MYOM2: variants seen among roughly 807,000 people sequenced by gnomAD.
MYOM2 encodes myomesin-2.
MYOM2 carries 254 observed loss-of-function variants against 187.6 expected under a neutral mutation model. The observed-to-expected ratio is 1.35, with a 90% CI of 1.22 to 1.50. The LOEUF is 1.50. Ranked by LOEUF, MYOM2 falls within the 40% of genes most tolerant of loss-of-function variation. MYOM2 has a pLI of 0.00. For synonymous variants in MYOM2, 981 were observed against 753.8 expected (o/e 1.30, Z -4.94); for missense variants, 2,796 against 1,924.0 (o/e 1.45, Z -8.48).
rs1332170054 is a variant in MYOM2, at chr8:2,117,929, T to C, written c.3430T>C (p.Cys1144Arg). 3 of 1,613,322 alleles carry C rather than the reference T, an allele frequency of 1.9e-6. No homozygotes were observed. The highest frequency in any genetic ancestry group is 2.5e-6 in the Non-Finnish European group (3 of 1,179,668). ...CTTGCACTGGGATGTCACGGAAGAA[T>C]GTGAAGTTCGACTTGTTTGCAAGGT... The part of the protein sequence containing the change: ...EYLHWDVTEE[C>R]EVRLVCKVAN... The change falls in exon 28 of 37, where the codon TGT becomes CGT. Residue 1144 changes from cysteine to arginine, a missense_variant. Cys to Arg is a radical substitution (Grantham distance 180). Transcript: ENST00000262113.
intron 15 of MYOM2, among the ~76,000 whole-genome samples, chr8:2,091,511 G>A (rs75010243): frequency 2.0e-5 from 3 of 152,294 alleles, no homozygotes; most frequent in East Asian, 1.9e-4. Context: ...AAGCCTTCAC[G>A]GGAGGCACAT....
chr8:2,100,100 CCTTCCTTCTTTCTTTCCTTCCTTCCTTCT>C (rs1796642726), intron 19 of MYOM2, among the ~76,000 whole-genome samples: 2 of 110,912 alleles, frequency 1.8e-5, no homozygotes, highest in Admixed American at 8.7e-5. Flanking sequence ...TTCCTTCCTT[CCTTCCTTCTTTCTTTCCTTCCTTCCTTCT>C]TTCCTTCCTT....
chr8:2,066,038 C>T (rs1292706467), intron 6 of MYOM2, among the ~76,000 whole-genome samples: 4 of 152,324 alleles, frequency 2.6e-5, no homozygotes, highest in Non-Finnish European at 1.5e-5. Flanking sequence ...CCATGTAGCC[C>T]ACACTCCCGC....
chr8:2,137,001 C>G (rs1355979860), intron 32 of MYOM2, among the ~76,000 whole-genome samples: 2 of 152,044 alleles, frequency 1.3e-5, no homozygotes, highest in Non-Finnish European at 2.9e-5. Context: ...GGCTCTAAGT[C>G]TAAACAGTGA....
intron 32 of MYOM2, among the ~76,000 whole-genome samples, chr8:2,130,196 C>A (rs1204209020): frequency 4.9e-5 from 7 of 142,204 alleles, no homozygotes; most frequent in Non-Finnish European, 7.5e-5. Context: ...GGCGCCCACA[C>A]CCCGCCTTTA....
intron 14 of MYOM2, among the ~76,000 whole-genome samples, chr8:2,087,497 G>A (rs747937622): frequency 1.3e-4 from 20 of 152,298 alleles, no homozygotes; most frequent in East Asian, 1.2e-3. Flanking sequence ...TTTGTGTTAC[G>A]AAAATACAAG....
Position 2,123,358 on chromosome 8 carries a change from T to C in MYOM2, c.3560T>C (p.Ile1187Thr). 1 of 1,606,678 alleles carries C rather than the reference T, an allele frequency of 6.2e-7. No individual in the cohort carries two copies. Among genetic ancestry groups the C allele is most frequent in the Non-Finnish European group, 8.5e-7 (1 of 1,176,510 alleles). ...GAGAGGGGAATCTGTGAGCTCCTCATCCCAAAGGTATCAGGCATTGAGTAA... is the reference window on the plus strand; with the variant it reads ...GAGAGGGGAATCTGTGAGCTCCTCACCCCAAAGGTATCAGGCATTGAGTAA... Reference protein sequence around the residue: ...NLERGICELLIPKLSKKDHGE... With the variant: ...NLERGICELLTPKLSKKDHGE... Residue 1187 changes from isoleucine (I) to threonine (T), a missense_variant, in exon 29 of 37, where the codon ATC (isoleucine) becomes ACC (threonine). Ile to Thr is a moderately conservative substitution (Grantham distance 89). Transcript: ENST00000262113.
chr8:2,131,772 T>C (rs1797880668), intron 32 of MYOM2, among the ~76,000 whole-genome samples: 1 of 151,450 alleles, frequency 6.6e-6, no homozygotes, highest in Non-Finnish European at 1.5e-5. Context: ...GCCTCCCAAG[T>C]AGCTGGGACT....
chr8:2,130,954 T>C (rs1003171956), intron 32 of MYOM2, among the ~76,000 whole-genome samples: 7 of 152,230 alleles, frequency 4.6e-5, no homozygotes, highest in African/African-American at 1.7e-4. Flanking sequence ...ATTTACAGCA[T>C]ATTGTCTTGC....
chr8:2,121,366 C>G lies in MYOM2; in HGVS notation c.3454-1886C>G, dbSNP rs150678753. Reference sequence around the variant, plus strand: ...AGGCCAGTGGCGAGACCCCCGAGTTCTGCTTTCCATGGGCTCTGATATCAT... The same window carrying G: ...AGGCCAGTGGCGAGACCCCCGAGTTGTGCTTTCCATGGGCTCTGATATCAT... On this transcript the variant is annotated intron_variant, in intron 28 of 36. Coordinates refer to ENST00000262113, the MANE Select transcript of MYOM2 (RefSeq NM_003970.4). Among the ~76,000 whole-genome samples the G allele has an allele frequency of 2.0e-5, 3 of 152,236 alleles. No homozygotes were observed. The South Asian group carries it at 6.2e-4, about 32-fold the overall frequency.
chr8:2,134,258 G>GTC (rs1797979917), intron 32 of MYOM2, among the ~76,000 whole-genome samples: 1 of 151,820 alleles, frequency 6.6e-6, no homozygotes, highest in Non-Finnish European at 1.5e-5. Context: ...GGCTCTCCTC[G>GTC]TCTCTCTCGG....
intron 6 of MYOM2, among the ~76,000 whole-genome samples, chr8:2,067,981 C>A (rs1819072947): frequency 6.6e-6 from 1 of 152,026 alleles, no homozygotes; most frequent in African/African-American, 2.4e-5. Flanking sequence ...GTTAATCGGT[C>A]TCTGCACCTT....
chr8:2,063,865 G>A (rs940533581), intron 6 of MYOM2, among the ~76,000 whole-genome samples: 1 of 152,198 alleles, frequency 6.6e-6, no homozygotes, highest in Non-Finnish European at 1.5e-5. Flanking sequence ...TGTATAAATT[G>A]AGACCAGAGA....
chr8:2,092,796 C>T (rs557624388), intron 16 of MYOM2, among the ~76,000 whole-genome samples: 9 of 152,280 alleles, frequency 5.9e-5, no homozygotes, highest in African/African-American at 1.9e-4. Context: ...AGCACTTAGG[C>T]CTTTTCTTTG....
At chr8:2,092,318 C>T (rs1796332475) in intron 15 of MYOM2, 28 bp from the exon 16 acceptor site, 1 of 1,609,138 alleles carries the variant, frequency 6.2e-7, no homozygotes, top group Non-Finnish European at 8.5e-7. Context: ...GATGCCATTT[C>T]ACCACTCCTT....
intron 16 of MYOM2, among the ~76,000 whole-genome samples, chr8:2,093,669 A>G (rs1194806472): frequency 6.6e-6 from 1 of 152,190 alleles, no homozygotes; most frequent in Non-Finnish European, 1.5e-5. Context: ...TTTAGATAAG[A>G]AATGGCATAC....
chr8:2,096,354 T>A lies in MYOM2; in HGVS notation c.2233T>A (p.Tyr745Asn). 1 of 1,614,224 alleles carries A rather than the reference T, an allele frequency of 6.2e-7. No individual in the cohort carries two copies. Among genetic ancestry groups the A allele is most frequent in the Non-Finnish European group, 8.5e-7 (1 of 1,180,040 alleles). ...CAGTGGTGGCTCGCCCATCCTGGGC[T>A]ACTACCTGGACAAGCGTGAAGTTCA... ...KFSGGSPILG[Y>N]YLDKREVHHK... The change falls in exon 18 of 37, where the codon TAC becomes AAC. Residue 745 changes from tyrosine (Y) to asparagine (N), a missense_variant. Transcript: ENST00000262113.
Position 2,105,446 on chromosome 8 carries a change from A to G in MYOM2, c.2735-796A>G, listed in dbSNP as rs541484210. Among the ~76,000 whole-genome samples the G allele has an allele frequency of 3.3e-5, 5 of 152,264 alleles. No homozygotes were observed. In the South Asian group the frequency reaches 8.3e-4, roughly 25 times the overall value. ...TCACCTGGGTCAAAAAGTAGCAAATAAACCACAAACAACCCCTACTCCCAA... is the reference window on the plus strand; with the variant it reads ...TCACCTGGGTCAAAAAGTAGCAAATGAACCACAAACAACCCCTACTCCCAA... On this transcript the variant is annotated intron_variant, in intron 21 of 36. Transcript: ENST00000262113.
chr8:2,124,252 G>T (rs376245462), intron 31 of MYOM2, 35 bp downstream of exon 31: 1 of 1,591,274 alleles, frequency 6.3e-7, no homozygotes, highest in Non-Finnish European at 8.6e-7. Flanking sequence ...AAGTCATTTG[G>T]GGTGCTGAAA....
Sources: gnomAD v4.1 joint callset for allele counts (sites outside exome capture counted in the v4.1 genomes callset) on GRCh38, gnomAD v4.1.1 for gene constraint, MANE v1.5 for transcripts, NCBI Gene and HGNC (gene_info 2026-07-23, HGNC 2026-07-21) for gene names.